Variants in MRPS10 observed in about 807,000 individuals in gnomAD.
The protein encoded by MRPS10 is mitochondrial ribosomal protein S10, also known as small ribosomal subunit protein uS10m.
A neutral mutation model predicts 27.5 loss-of-function variants in MRPS10; 23 were observed. The ratio of observed to expected loss-of-function variants is 0.84; its 90% confidence interval spans 0.60 to 1.18. MRPS10 has a LOEUF of 1.18. Ranked by LOEUF, MRPS10 falls within the 50% of genes most tolerant of loss-of-function variation. The probability of loss-of-function intolerance (pLI) is 0.00; values close to 1 mark genes in which losing one functional copy is unlikely to be tolerated. For synonymous variants in MRPS10, 88 were observed against 84.2 expected (o/e 1.04, Z -0.25); for missense variants, 237 against 240.1 (o/e 0.99, Z 0.09).
intron 4 of MRPS10, among the ~76,000 whole-genome samples, chr6:42,211,043 AGGCCAGACTGCC>A (rs1364361330): frequency 5.3e-5 from 8 of 152,238 alleles, no homozygotes; most frequent in Non-Finnish European, 8.8e-5. Flanking sequence ...TTTTGTCAGA[AGGCCAGACTGCC>A]AAAGCCCCAG....
intron 3 of MRPS10, among the ~76,000 whole-genome samples, chr6:42,212,983 GCATCACTAGGTCTGATTT>G (rs1768824836): frequency 6.6e-6 from 1 of 152,200 alleles, no homozygotes; most frequent in Non-Finnish European, 1.5e-5. Flanking sequence ...AGACAGGCTG[GCATCACTAGGTCTGATTT>G]CCCACAGGGC....
chr6:42,211,660 C>G (rs915448357), intron 4 of MRPS10, 121 bp downstream of exon 4: 2 of 883,292 alleles, frequency 2.3e-6, no homozygotes, highest in Non-Finnish European at 3.2e-6. Flanking sequence ...GGCAACAGAG[C>G]GAGACTCTGT....
At chr6:42,208,413 A>G in intron 6 of MRPS10, 41 bp from the exon 7 acceptor site, 2 of 1,419,484 alleles carry the variant, frequency 1.4e-6, no homozygotes, top group Admixed American at 2.0e-5. Context: ...TGGATTTAAC[A>G]GAACTCTTTG....
chr6:42,208,331 G>A lies in MRPS10; in HGVS notation c.564C>T (p.Ile188=), dbSNP rs1301017731. 3 of 1,612,906 alleles carry A rather than the reference G, an allele frequency of 1.9e-6. No individual in the cohort carries two copies. The Admixed American group carries it at 5.0e-5, about 27-fold the overall frequency. ...CTTTTTCTTCTGATAGTGTTTCCCA[G>A]ATTGGCTCCTTGATGTGTTCTGGTA... ...EQLPEHIKEP[I]WETLSEEKEE... Residue 188 remains isoleucine, a synonymous_variant, in exon 7 of 7, where the codon ATC becomes ATT. Coordinates refer to ENST00000053468, the MANE Select transcript of MRPS10 (RefSeq NM_018141.4).
chr6:42,215,432 GT>G (rs1042580381), intron 1 of MRPS10, among the ~76,000 whole-genome samples: 8 of 148,084 alleles, frequency 5.4e-5, no homozygotes, highest in Non-Finnish European at 1.0e-4. Context: ...GTACGTTTTT[GT>G]TTGTTTTTTC....
chr6:42,216,026 C>CTTTTTTTTTTTTTTTTTTTTCTT (rs34985131), intron 1 of MRPS10, among the ~76,000 whole-genome samples: 2 of 56,976 alleles, frequency 3.5e-5, no homozygotes, highest in Non-Finnish European at 8.3e-5. Flanking sequence ...TTTTTCTTTT[C>CTTTTTTTTTTTTTTTTTTTTCTT]TTTTTTTTTT....
chr6:42,208,321 G>A lies in MRPS10; in HGVS notation c.574C>T (p.Leu192=). 1 of 1,612,934 alleles carries A rather than the reference G, an allele frequency of 6.2e-7. No homozygotes were observed. ...TTGCTTTCTTCTTTTTCTTCTGATA[G>A]TGTTTCCCAGATTGGCTCCTTGATG... ...EHIKEPIWET[L]SEEKEESKS is the part of the protein sequence containing the mutation. The change falls in exon 7 of 7, where the codon CTA becomes TTA. Residue 192 remains leucine (L), a synonymous_variant. Transcript: ENST00000053468.
At chr6:42,214,373 T>G (rs375021110) in intron 1 of MRPS10, 29 bp from the exon 2 acceptor site, 1 of 1,528,138 alleles carries the variant, frequency 6.5e-7, no homozygotes, top group Non-Finnish European at 9.0e-7. Context: ...GGACATGTGT[T>G]AGAATTAAAG....
At chr6:42,214,081 C>A in intron 3 of MRPS10, 39 bp downstream of exon 3, 1 of 1,498,826 alleles carries the variant, frequency 6.7e-7, no homozygotes, top group Non-Finnish European at 9.1e-7. Flanking sequence ...AACCTATTGC[C>A]AAGGTAGCTC....
chr6:42,216,046 G>GAC (rs75216598), intron 1 of MRPS10, among the ~76,000 whole-genome samples: 76,699 of 123,050 alleles, frequency 0.62, 22,923 homozygotes, highest in East Asian at 0.85. Context: ...TTTTTTTTGA[G>GAC]AGAGTCTTGC....
chr6:42,216,385 A>AGAGAGTGTGTGTGTGTGTGTGTGTGT, intron 1 of MRPS10, among the ~76,000 whole-genome samples: 7 of 58,682 alleles, frequency 1.2e-4, no homozygotes, highest in African/African-American at 3.1e-4. Flanking sequence ...AGAGAGAGAG[A>AGAGAGTGTGTGTGTGTGTGTGTGTGT]GTGTGTGTGT....
At chr6:42,209,173 T>G (rs1768698971) in intron 5 of MRPS10, among the ~76,000 whole-genome samples, 1 of 150,540 alleles carries the variant, frequency 6.6e-6, no homozygotes, top group Non-Finnish European at 1.5e-5. Flanking sequence ...TTTTTTTGTA[T>G]TTTTAGTAGA....
At chr6:42,217,003 T>C (rs374277943) in intron 1 of MRPS10, among the ~76,000 whole-genome samples, 5 of 152,160 alleles carry the variant, frequency 3.3e-5, no homozygotes, top group African/African-American at 1.2e-4. Context: ...AGGTGTGATA[T>C]AGGAAAAGAT....
chr6:42,216,026 C>CTTTTTTTTTTTTTTTTTTTTTTTTTTT, intron 1 of MRPS10, among the ~76,000 whole-genome samples: 1 of 56,976 alleles, frequency 1.8e-5, no homozygotes, highest in Non-Finnish European at 4.1e-5. Flanking sequence ...TTTTTCTTTT[C>CTTTTTTTTTTTTTTTTTTTTTTTTTTT]TTTTTTTTTT....
At chr6:42,216,387 T>A (rs113177557) in intron 1 of MRPS10, among the ~76,000 whole-genome samples, 15,032 of 60,540 alleles carry the variant, frequency 0.25, 1,437 homozygotes, top group African/African-American at 0.33. Context: ...AGAGAGAGAG[T>A]GTGTGTGTGT....
At chr6:42,208,558 C>T (rs878891199) in intron 6 of MRPS10, among the ~76,000 whole-genome samples, 186 bp from the exon 7 acceptor site, 1 of 152,130 alleles carries the variant, frequency 6.6e-6, no homozygotes, top group Non-Finnish European at 1.5e-5. Flanking sequence ...CATACATAAT[C>T]GATTTGATCC....
intron 1 of MRPS10, among the ~76,000 whole-genome samples, chr6:42,215,322 G>A (rs919719601): frequency 4.8e-5 from 7 of 144,786 alleles, no homozygotes; most frequent in Admixed American, 1.4e-4. Flanking sequence ...CCCGGGAGGC[G>A]GAGGTCCAGG....
chr6:42,209,844 G>C (rs1219625310), intron 5 of MRPS10, among the ~76,000 whole-genome samples: 1 of 143,696 alleles, frequency 7.0e-6, no homozygotes, highest in Non-Finnish European at 1.5e-5. Flanking sequence ...CCATATAAAA[G>C]ATACATAAGT....
In MRPS10 at chr6:42,215,315, G is replaced by A. The variant is rs139267927; in HGVS notation, c.49-971C>T. On this transcript the variant is annotated intron_variant, in intron 1 of 6. Transcript: ENST00000053468. ...TGAGGCAGGAGAATCGCTTGAACCC[G>A]GGAGGCGGAGGTCCAGGCTGGGTGA... 5.0e-3 allele frequency among the ~76,000 whole-genome samples: 602 copies of A among 121,372 alleles called. 1 individual carries two copies. Among genetic ancestry groups the A allele is most frequent in the African/African-American group, 0.018 (557 of 31,586 alleles). The allele number at this position is 121,372 out of a possible 152,430, so 79.6% of individuals were successfully genotyped here. A position where few individuals can be genotyped will look rare whatever the true frequency, so the allele number is the denominator to read the frequency against.
Sources: gnomAD v4.1 joint callset for allele counts (sites outside exome capture counted in the v4.1 genomes callset) on GRCh38, gnomAD v4.1.1 for gene constraint, MANE v1.5 for transcripts, NCBI Gene and HGNC (gene_info 2026-07-23, HGNC 2026-07-21) for gene names.